The following PACRG variants were observed in gnomAD, a reference collection of about 807,000 sequenced individuals.
PACRG encodes the protein parkin coregulated gene protein.
PACRG carries 29 observed loss-of-function variants against 29.7 expected under a neutral mutation model. The observed-to-expected ratio is 0.98, with a 90% CI of 0.73 to 1.33. The LOEUF is 1.33. PACRG is among the 40% of genes most tolerant of loss of function. The pLI is 0.00. For missense variants in PACRG, 279 were observed against 316.2 expected (o/e 0.88, Z 0.89); for synonymous variants, 116 against 118.7 (o/e 0.98, Z 0.15).
At chr6:163,112,344 C>G (rs1815761132) in intron 4 of PACRG, among the ~76,000 whole-genome samples, 1 of 152,186 alleles carries the variant, frequency 6.6e-6, no homozygotes, top group South Asian at 2.1e-4. Context: ...GAGTAGCTTG[C>G]ACACAGCTTG....
At chr6:163,118,174 G>A (rs1816103105) in intron 4 of PACRG, among the ~76,000 whole-genome samples, 2 of 152,234 alleles carry the variant, frequency 1.3e-5, no homozygotes, top group Admixed American at 1.3e-4. Flanking sequence ...ACTGCACAAG[G>A]AAGAGGAAAA....
intron 2 of PACRG, among the ~76,000 whole-genome samples, chr6:162,875,607 T>A (rs1399901276): frequency 6.6e-6 from 1 of 152,256 alleles, no homozygotes. Context: ...TAAGTTTTTG[T>A]TTCACATAGG....
chr6:162,827,009 TC>T (rs1788343046), intron 2 of PACRG, among the ~76,000 whole-genome samples: 1 of 152,208 alleles, frequency 6.6e-6, no homozygotes, highest in African/African-American at 2.4e-5. Context: ...TGTTTAGAAA[TC>T]ATCTTCATAG....
chr6:163,285,108 A>G (rs776771958), intron 4 of PACRG, among the ~76,000 whole-genome samples: 3 of 151,674 alleles, frequency 2.0e-5, no homozygotes, highest in Non-Finnish European at 2.9e-5. Flanking sequence ...TAAGGTGACC[A>G]CCCATCCCAG....
At chr6:162,799,606 G>C (rs1785679054) in intron 1 of PACRG, among the ~76,000 whole-genome samples, 1 of 151,686 alleles carries the variant, frequency 6.6e-6, no homozygotes, top group Admixed American at 6.6e-5. Context: ...GAGGGAGCCA[G>C]TGCGATGATG....
At chr6:162,812,472 G>A (rs1584431664) in intron 1 of PACRG, among the ~76,000 whole-genome samples, 1 of 151,758 alleles carries the variant, frequency 6.6e-6, no homozygotes, top group Non-Finnish European at 1.5e-5. Flanking sequence ...CATTTAACTT[G>A]GTCAAATTTT....
chr6:162,933,601 C>CTTTTTTTTTTTTTTTTTTTTTTT (rs71008119), intron 2 of PACRG, among the ~76,000 whole-genome samples: 2 of 74,606 alleles, frequency 2.7e-5, no homozygotes, highest in African/African-American at 1.1e-4. Flanking sequence ...CTTTCTGTAT[C>CTTTTTTTTTTTTTTTTTTTTTTT]TTTTTTTTTT....
intron 4 of PACRG, chr6:163,166,032 G>A: frequency 2.2e-6 from 1 of 448,304 alleles, no homozygotes; most frequent in Non-Finnish European, 4.5e-6. Flanking sequence ...CAAGCGCCCC[G>A]ATTTCATCTA....
At chr6:163,067,132 T>TG (rs1239931401) in intron 3 of PACRG, among the ~76,000 whole-genome samples, 6 of 152,170 alleles carry the variant, frequency 3.9e-5, no homozygotes, top group African/African-American at 1.2e-4. Context: ...GTGAACAGCC[T>TG]TCCTGCTGTA....
chr6:162,767,588 G>T (rs1782898973), intron 1 of PACRG, among the ~76,000 whole-genome samples: 2 of 150,556 alleles, frequency 1.3e-5, no homozygotes, highest in South Asian at 2.1e-4. Context: ...AATAAGTTGG[G>T]TTTCATTTAT....
intron 2 of PACRG, among the ~76,000 whole-genome samples, chr6:162,905,178 G>T (rs1315758127): frequency 6.6e-6 from 1 of 152,180 alleles, no homozygotes; most frequent in African/African-American, 2.4e-5. Context: ...GGAAATGTCT[G>T]CAAGAGGTAA....
intron 4 of PACRG, among the ~76,000 whole-genome samples, chr6:163,179,735 A>G (rs2985668): frequency 0.35 from 53,189 of 151,348 alleles, 10,691 homozygotes; most frequent in Middle Eastern, 0.48. Flanking sequence ...ATTTTCTTAC[A>G]TCACTAGTTT....
chr6:163,264,519 C>T (rs1562346482), intron 4 of PACRG, among the ~76,000 whole-genome samples: 2 of 152,186 alleles, frequency 1.3e-5, no homozygotes, highest in African/African-American at 4.8e-5. Flanking sequence ...CAGCCGAAGT[C>T]GTTCAAGGGC....
intron 2 of PACRG, among the ~76,000 whole-genome samples, chr6:163,012,609 G>T (rs547314451): frequency 5.3e-5 from 8 of 152,372 alleles, no homozygotes; most frequent in Admixed American, 2.6e-4. Context: ...GCAGAGCCCA[G>T]CTCCAGTGGC....
intron 2 of PACRG, among the ~76,000 whole-genome samples, chr6:163,039,328 A>G (rs1354426505): frequency 1.3e-5 from 2 of 152,206 alleles, no homozygotes; most frequent in Non-Finnish European, 2.9e-5. Flanking sequence ...CCCAGCCTCA[A>G]GTAGTATCTT....
intron 2 of PACRG, among the ~76,000 whole-genome samples, chr6:163,059,940 C>A (rs1403486822): frequency 2.6e-5 from 4 of 152,078 alleles, no homozygotes; most frequent in Non-Finnish European, 4.4e-5. Context: ...AGACTTTTAA[C>A]TTTATTTATC....
intron 4 of PACRG, among the ~76,000 whole-genome samples, chr6:163,284,347 G>A (rs1474509510): frequency 6.6e-6 from 1 of 152,168 alleles, no homozygotes; most frequent in East Asian, 1.9e-4. Context: ...CTCCTTTAGA[G>A]GGGAGTCATC....
At chr6:162,936,395 C>T (rs1798235461) in intron 2 of PACRG, among the ~76,000 whole-genome samples, 1 of 152,158 alleles carries the variant, frequency 6.6e-6, no homozygotes, top group African/African-American at 2.4e-5. Flanking sequence ...TTAACTTAAA[C>T]AATCTTTGCT....
intron 2 of PACRG, among the ~76,000 whole-genome samples, chr6:162,948,430 A>G (rs1799408091): frequency 6.6e-6 from 1 of 152,102 alleles, no homozygotes; most frequent in Admixed American, 6.6e-5. Context: ...ACCTGAAACT[A>G]AAAACTAGAA....
Sources: allele counts gnomAD v4.1 joint callset (sites outside exome capture counted in the v4.1 genomes callset), GRCh38; gene constraint gnomAD v4.1.1; transcripts MANE v1.5; gene names NCBI Gene and HGNC (gene_info 2026-07-23, HGNC 2026-07-21).